The following TOR1AIP1 variants were observed in gnomAD, a reference collection of about 807,000 sequenced individuals.
TOR1AIP1 encodes torsin 1A interacting protein 1.
A neutral mutation model predicts 63.3 loss-of-function variants in TOR1AIP1; 54 were observed. The ratio of observed to expected loss-of-function variants is 0.85; its 90% CI spans 0.69 to 1.07. The LOEUF is 1.07. Among genes scored for constraint, TOR1AIP1 ranks in the 50% least tolerant of loss-of-function variants. TOR1AIP1 has a pLI of 0.00. For synonymous variants in TOR1AIP1, 294 were observed against 273.5 expected (o/e 1.07, Z -0.74); for missense variants, 736 against 715.0 (o/e 1.03, Z -0.33).
chr1:179,885,086 C>T (rs187663344), intron 2 of TOR1AIP1, among the ~76,000 whole-genome samples: 116 of 152,308 alleles, frequency 7.6e-4, no homozygotes, highest in African/African-American at 2.7e-3. Context: ...CATGTCATAA[C>T]TAGCTACTCA....
intron 9 of TOR1AIP1, among the ~76,000 whole-genome samples, chr1:179,914,957 T>A (rs6425596): frequency 0.12 from 18,974 of 152,178 alleles, 1,226 homozygotes; most frequent in Middle Eastern, 0.19. Flanking sequence ...AAACATTTTT[T>A]AAAATATGTA....
intron 9 of TOR1AIP1, 29 bp downstream of exon 9, chr1:179,914,083 A>T (rs1648917274): frequency 2.5e-6 from 4 of 1,594,322 alleles, no homozygotes; most frequent in Non-Finnish European, 2.6e-6. Context: ...TTTTTATTAA[A>T]TATTTCTGTA....
In TOR1AIP1 at chr1:179,904,000, A is replaced by G; in HGVS notation, c.774A>G (p.Glu258=). 6.2e-7 allele frequency: 1 copy of G among 1,608,582 alleles called. No homozygotes were observed. ...CCAGATCATCTAGTCAATATATAGA[A>G]TCATTTTGGCAGTCATCACAAAGTA... The part of the protein sequence containing the change: ...KTTRSSSQYI[E]SFWQSSQSQN... The change falls in exon 6 of 10, where the codon GAA becomes GAG. Residue 258 remains glutamate, a synonymous_variant. Coordinates refer to ENST00000606911, the MANE Select transcript of TOR1AIP1 (RefSeq NM_015602.4).
chr1:179,913,464 A>G (rs1648901193), intron 8 of TOR1AIP1: 1 of 647,864 alleles, frequency 1.5e-6, no homozygotes, highest in African/African-American at 1.8e-5. Context: ...CCCCAGAGGA[A>G]ATACTGAATC....
In TOR1AIP1 at chr1:179,906,101, C is replaced by T. The variant is rs1648626229; in HGVS notation, c.797-1722C>T. 3.3e-5 allele frequency among the ~76,000 whole-genome samples: 5 copies of T among 152,080 alleles called. No individual in the cohort carries two copies. The South Asian group carries it at 1.0e-3, about 31-fold the overall frequency. On this transcript the variant is annotated intron_variant, in intron 6 of 9. Coordinates refer to ENST00000606911, the MANE Select transcript of TOR1AIP1 (RefSeq NM_015602.4). ...GAAAAACCATCCAGTTAAACTATGC[C>T]ATACCATTAATTAAAAGATATATCT...
chr1:179,909,433 T>C (rs1648761156), intron 8 of TOR1AIP1, among the ~76,000 whole-genome samples: 1 of 151,370 alleles, frequency 6.6e-6, no homozygotes, highest in African/African-American at 2.4e-5. Flanking sequence ...GTTTTTGAGA[T>C]GGAGTCTTGC....
In TOR1AIP1 at chr1:179,919,978, A is replaced by G. The variant is rs944353019; in HGVS notation, c.*1739A>G. ...GTAATTTAAAAGTAATATGTTACCT[A>G]TGTCTTTCAGGAAAAATAATTATAG... On this transcript the variant is annotated 3_prime_UTR_variant, in exon 10 of 10. Coordinates refer to ENST00000606911, the MANE Select transcript of TOR1AIP1 (RefSeq NM_015602.4). 6.6e-5 allele frequency: 10 copies of G among 152,222 alleles called. No homozygotes were observed. Among genetic ancestry groups the G allele is most frequent in the African/African-American group, 1.9e-4 (8 of 41,458 alleles). The allele number at this position is 152,222 out of a possible 1,614,324, so 9.4% of individuals were successfully genotyped here. A position where few individuals can be genotyped will look rare whatever the true frequency, so the allele number is the denominator to read the frequency against.
chr1:179,907,608 T>C (rs1238659166), intron 6 of TOR1AIP1, among the ~76,000 whole-genome samples: 1 of 22,974 alleles, frequency 4.4e-5, no homozygotes, highest in African/African-American at 1.0e-4. Flanking sequence ...TATATATATA[T>C]ATATATATAT....
At chr1:179,909,619 G>A (rs923350733) in intron 8 of TOR1AIP1, among the ~76,000 whole-genome samples, 5 of 152,034 alleles carry the variant, frequency 3.3e-5, no homozygotes, top group African/African-American at 1.2e-4. Flanking sequence ...TATATTTTTA[G>A]TAGAGACAGG....
chr1:179,890,221 T>A (rs1297820801), intron 3 of TOR1AIP1, among the ~76,000 whole-genome samples: 1 of 152,200 alleles, frequency 6.6e-6, no homozygotes, highest in East Asian at 1.9e-4. Context: ...GCCCTGAAAT[T>A]GATTTCATGA....
At chr1:179,899,667 CAG>C (rs1354905847) in intron 3 of TOR1AIP1, among the ~76,000 whole-genome samples, 3 of 152,158 alleles carry the variant, frequency 2.0e-5, no homozygotes, top group East Asian at 1.9e-4. Context: ...CTGTTTGAGA[CAG>C]AGTCTTGCTC....
intron 9 of TOR1AIP1, among the ~76,000 whole-genome samples, chr1:179,914,315 C>T (rs1648924818): frequency 6.6e-6 from 1 of 152,194 alleles, no homozygotes; most frequent in African/African-American, 2.4e-5. Flanking sequence ...GCTACTAATA[C>T]TGTTAACTGA....
chr1:179,901,233 G>GT, intron 4 of TOR1AIP1, 69 bp from the exon 5 acceptor site: 1 of 1,060,434 alleles, frequency 9.4e-7, no homozygotes, highest in Non-Finnish European at 1.3e-6. Flanking sequence ...TATTTGCTTG[G>GT]TTTTTTTAAA....
intron 3 of TOR1AIP1, among the ~76,000 whole-genome samples, chr1:179,895,894 G>C (rs1367731200): frequency 6.6e-6 from 1 of 151,898 alleles, no homozygotes; most frequent in Non-Finnish European, 1.5e-5. Context: ...ACTCCAGCCT[G>C]GGTGACAGAG....
In TOR1AIP1 at chr1:179,882,784, T is replaced by C. The variant is rs1647762195; in HGVS notation, c.282T>C (p.Ser94=). The stretch of plus-strand genomic sequence containing the variant: ...GGCTAGAAGAGTTCCGGTCCGATTC[T>C]GCGAAAGAGGAAGTGAGAGAAAGCG... The part of the protein sequence containing the change: ...RTRLEEFRSD[S]AKEEVRESAY... The change falls in exon 1 of 10, where the codon TCT becomes TCC. Residue 94 remains serine (S), a synonymous_variant. Coordinates refer to ENST00000606911, the MANE Select transcript of TOR1AIP1 (RefSeq NM_015602.4). 3.7e-6 allele frequency: 6 copies of C among 1,614,016 alleles called. No homozygotes were observed. The highest frequency in any genetic ancestry group is 5.1e-6 in the Non-Finnish European group (6 of 1,180,022).
chr1:179,911,176 G>A (rs944022829), intron 8 of TOR1AIP1, among the ~76,000 whole-genome samples: 14 of 152,156 alleles, frequency 9.2e-5, no homozygotes, highest in Non-Finnish European at 1.5e-5. Context: ...AGGACTTTAA[G>A]ATAGAACGAT....
intron 1 of TOR1AIP1, chr1:179,883,708 C>T (rs1647818622): frequency 2.2e-6 from 1 of 456,110 alleles, no homozygotes; most frequent in African/African-American, 2.0e-5. Flanking sequence ...ACCTGAAAAA[C>T]AAGACTATTA....
intron 5 of TOR1AIP1, among the ~76,000 whole-genome samples, chr1:179,903,570 C>T (rs1247408785): frequency 7.3e-5 from 11 of 150,474 alleles, no homozygotes; most frequent in Non-Finnish European, 1.0e-4. Flanking sequence ...TACAGTGGTG[C>T]GATCTCGGCT....
At chr1:179,900,438 AAG>A (rs1381380802) in intron 4 of TOR1AIP1, 1 of 246,932 alleles carries the variant, frequency 4.0e-6, no homozygotes, top group Non-Finnish European at 8.0e-6. Context: ...ATGTTGCCTA[AAG>A]AGGGGTGAAT....
Sources: allele counts gnomAD v4.1 joint callset (sites outside exome capture counted in the v4.1 genomes callset), GRCh38; gene constraint gnomAD v4.1.1; transcripts MANE v1.5; gene names NCBI Gene and HGNC (gene_info 2026-07-23, HGNC 2026-07-21).